The following GSE1 variants were observed in gnomAD, a reference collection of about 807,000 sequenced individuals.
GSE1 encodes genetic suppressor element 1.
GSE1 carries 32 observed loss-of-function variants against 112.6 expected under a neutral mutation model. That is an observed-to-expected ratio of 0.28 (90% CI 0.21 to 0.38). The LOEUF is 0.38. GSE1 is among the 10% of genes least tolerant of loss of function. GSE1 has a pLI of 1.00. For missense variants in GSE1, 2,348 were observed against 1,699.2 expected (o/e 1.38, Z -6.71); for synonymous variants, 1,115 against 735.6 (o/e 1.52, Z -8.35).
chr16:85,414,291 T>A (rs991035164), intron 2 of GSE1, among the ~76,000 whole-genome samples: 1 of 152,258 alleles, frequency 6.6e-6, no homozygotes, highest in Non-Finnish European at 1.5e-5. Context: ...GGGAACTGCA[T>A]TGGTTGCTAA....
In GSE1 at chr16:85,495,429, TTTTATTTATTTATTTA is replaced by T. The variant is rs67017375; in HGVS notation, c.2464+137818_2464+137833del. On this transcript the variant is annotated intron_variant, in intron 2 of 2. Coordinates refer to the GSE1 transcript ENST00000637419. ...CTCAGATGAGAACATGCTGGGAACA[TTTTATTTATTTATTTA>T]TTTATTTATTTATTTATTTATTTAT... 1.6e-3 allele frequency among the ~76,000 whole-genome samples: 235 copies of T among 145,272 alleles called. 1 individual carries two copies. Among genetic ancestry groups the T allele is most frequent in the Middle Eastern group, 7.0e-3 (2 of 284 alleles).
chr16:85,275,620 G>A (rs1464698795), intron 1 of GSE1, among the ~76,000 whole-genome samples: 3 of 152,228 alleles, frequency 2.0e-5, no homozygotes, highest in Non-Finnish European at 4.4e-5. Flanking sequence ...AGGGTCCTTG[G>A]GGTCAAAGTT....
intron 1 of GSE1, among the ~76,000 whole-genome samples, chr16:85,185,908 A>G (rs918219734): frequency 5.3e-5 from 8 of 152,204 alleles, no homozygotes; most frequent in African/African-American, 1.9e-4. Context: ...GGAAATTGAC[A>G]CAGTGAGGGG....
intron 1 of GSE1, among the ~76,000 whole-genome samples, chr16:85,239,980 C>T (rs189865811): frequency 4.6e-5 from 7 of 152,306 alleles, no homozygotes; most frequent in African/African-American, 1.2e-4. Flanking sequence ...GAACTGTGTG[C>T]GCTTCACTGT....
chr16:85,665,644 C>T (rs952389667), intron 12 of GSE1, among the ~76,000 whole-genome samples: 2 of 152,236 alleles, frequency 1.3e-5, no homozygotes, highest in Non-Finnish European at 2.9e-5. Flanking sequence ...GGAATCTTTA[C>T]AGTGCGTCCC....
At chr16:85,471,548 G>C (rs1251787707) in intron 2 of GSE1, among the ~76,000 whole-genome samples, 1 of 151,896 alleles carries the variant, frequency 6.6e-6, no homozygotes, top group Non-Finnish European at 1.5e-5. Flanking sequence ...AGAGTAGCTG[G>C]GACTACAGGC....
chr16:85,442,714 G>A (rs1394216111), intron 2 of GSE1, among the ~76,000 whole-genome samples: 1 of 152,190 alleles, frequency 6.6e-6, no homozygotes, highest in Admixed American at 6.5e-5. Context: ...GCAGCCCCTG[G>A]CCCCCTTGCT....
chr16:85,670,690 A>ATT (rs34099838), intron 14 of GSE1: 22 of 168,354 alleles, frequency 1.3e-4, no homozygotes, highest in East Asian at 1.1e-3. Flanking sequence ...CTGAAAGCCT[A>ATT]TTTTTTTTTT....
intron 2 of GSE1, among the ~76,000 whole-genome samples, chr16:85,399,769 A>G (rs965820270): frequency 4.6e-5 from 7 of 152,170 alleles, no homozygotes; most frequent in Non-Finnish European, 1.0e-4. Context: ...AGTTCGGGGG[A>G]AGAATGGATT....
chr16:85,317,890 T>A (rs912125754), intron 1 of GSE1, among the ~76,000 whole-genome samples: 1 of 152,238 alleles, frequency 6.6e-6, no homozygotes. Flanking sequence ...TCAGGTGTTT[T>A]GGACATCTGC....
At chr16:85,455,869 T>C (rs2049812620) in intron 2 of GSE1, among the ~76,000 whole-genome samples, 1 of 152,230 alleles carries the variant, frequency 6.6e-6, no homozygotes, top group African/African-American at 2.4e-5. Flanking sequence ...CTAACTCCCA[T>C]CCTGGCCTAA....
chr16:85,654,324 T>G lies in GSE1; in HGVS notation c.473T>G (p.Val158Gly), dbSNP rs753395340. Residue 158 changes from valine (V) to glycine (G), a missense_variant, in exon 4 of 16, where the codon GTG (valine) becomes GGG (glycine). Coordinates refer to ENST00000253458, the MANE Select transcript of GSE1 (RefSeq NM_014615.5). Reference protein sequence around the residue: ...SSSGGRERLIVEPPLPQEKAG... With the variant: ...SSSGGRERLIGEPPLPQEKAG... ...AGTGGAGGTCGGGAACGCCTCATTG[T>G]GGAGCCCCCGCTCCCTCAGGAGAAG... 22 of 1,611,138 alleles carry G rather than the reference T, an allele frequency of 1.4e-5. No homozygotes were observed. The highest frequency in any genetic ancestry group is 1.9e-5 in the Non-Finnish European group (22 of 1,179,346).
At chr16:85,639,036 G>C (rs998832747) in intron 2 of GSE1, among the ~76,000 whole-genome samples, 1 of 152,148 alleles carries the variant, frequency 6.6e-6, no homozygotes, top group Non-Finnish European at 1.5e-5. Flanking sequence ...TGCAGGTTTG[G>C]GCGTGATCCT....
In GSE1 at chr16:85,202,082, C is replaced by A. The variant is rs144316127; in HGVS notation, c.2283+30275C>A. ...TGGTGGCGGGCCTTAGCTGAGCTGG[C>A]GGAAGGTGGTGGGGCTGGCCGGCTT... On this transcript the variant is annotated intron_variant, in intron 1 of 2. Transcript: ENST00000637419. Among the ~76,000 whole-genome samples the A allele has an allele frequency of 5.8e-3, 876 of 152,304 alleles. 8 individuals are homozygous for A. Among genetic ancestry groups the A allele is most frequent in the African/African-American group, 0.018 (742 of 41,558 alleles).
At chr16:85,499,258 C>T (rs1015406748) in intron 2 of GSE1, among the ~76,000 whole-genome samples, 7 of 143,184 alleles carry the variant, frequency 4.9e-5, no homozygotes, top group South Asian at 2.3e-4. Context: ...AGCGAGAGGG[C>T]GCCTGCCAGC....
At position 85,485,694 on chromosome 16, in the gene GSE1, G is replaced by A. The variant is rs968426715; in HGVS notation, c.2464+128051G>A. Among the ~76,000 whole-genome samples, 6 of 152,358 alleles carry A rather than the reference G, an allele frequency of 3.9e-5. 1 individual carries two copies. The East Asian group carries it at 5.8e-4, about 15-fold the overall frequency. Reference sequence around the variant, plus strand: ...GCTTGTCACTCGCGAGGTGGGCGCCGAGGCGGCCGGCTGTGCATCAGTGTG... The same window carrying A: ...GCTTGTCACTCGCGAGGTGGGCGCCAAGGCGGCCGGCTGTGCATCAGTGTG... On this transcript the variant is annotated intron_variant, in intron 2 of 2. Coordinates refer to the GSE1 transcript ENST00000637419.
chr16:85,180,290 C>T (rs552292735), intron 1 of GSE1, among the ~76,000 whole-genome samples: 38 of 152,390 alleles, frequency 2.5e-4, no homozygotes, highest in Middle Eastern at 3.4e-3. Flanking sequence ...CCTCTGGCTG[C>T]AGCTCTTTCC....
chr16:85,280,467 C>T (rs1415900779), intron 1 of GSE1, among the ~76,000 whole-genome samples: 1 of 152,214 alleles, frequency 6.6e-6, no homozygotes, highest in African/African-American at 2.4e-5. Context: ...GCAGTCTCGG[C>T]TCAGTGCAAC....
At chr16:85,219,335 G>C (rs2075354706) in intron 1 of GSE1, among the ~76,000 whole-genome samples, 1 of 152,154 alleles carries the variant, frequency 6.6e-6, no homozygotes, top group Non-Finnish European at 1.5e-5. Flanking sequence ...TGCCCATGTG[G>C]GTTTTTTAAA....
Sources: allele counts gnomAD v4.1 joint callset (sites outside exome capture counted in the v4.1 genomes callset), GRCh38; gene constraint gnomAD v4.1.1; transcripts MANE v1.5; gene names NCBI Gene and HGNC (gene_info 2026-07-23, HGNC 2026-07-21).